The following RPAP2 variants were observed in gnomAD, a reference collection of about 807,000 sequenced individuals.
RPAP2 encodes RNA polymerase II associated protein 2.
A neutral mutation model predicts 73.1 loss-of-function variants in RPAP2; 52 were observed. The ratio of observed to expected loss-of-function variants is 0.71; its 90% confidence interval spans 0.57 to 0.90. The LOEUF is 0.90. RPAP2 is among the 40% of genes least tolerant of loss of function. The pLI is 0.00. For synonymous variants in RPAP2, 225 were observed against 242.1 expected, an observed-to-expected ratio of 0.93 and a Z score of 0.65; for missense variants, 598 against 701.8, an observed-to-expected ratio of 0.85 and a Z score of 1.67.
chr1:92,346,718 A>G (rs1653923334), intron 11 of RPAP2, among the ~76,000 whole-genome samples: 1 of 152,234 alleles, frequency 6.6e-6, no homozygotes, highest in Non-Finnish European at 1.5e-5. Flanking sequence ...ACAAAAGCAT[A>G]TATAAAACAT....
chr1:92,370,332 A>G (rs1430119454), intron 11 of RPAP2, among the ~76,000 whole-genome samples: 2 of 152,218 alleles, frequency 1.3e-5, no homozygotes, highest in Non-Finnish European at 2.9e-5. Context: ...AAAGAACACC[A>G]CTGCAAACAC....
At chr1:92,305,980 G>T (rs936583754) in intron 5 of RPAP2, among the ~76,000 whole-genome samples, 1 of 152,106 alleles carries the variant, frequency 6.6e-6, no homozygotes, top group Non-Finnish European at 1.5e-5. Flanking sequence ...CAGCATGTAT[G>T]TATAAAAATG....
intron 6 of RPAP2, among the ~76,000 whole-genome samples, chr1:92,318,466 C>G (rs770102051): frequency 1.3e-5 from 2 of 152,164 alleles, no homozygotes; most frequent in Non-Finnish European, 2.9e-5. Flanking sequence ...GCCCTGTTCT[C>G]TCTACTATGT....
rs1285922178 is a variant in RPAP2 at position 92,389,591 on chromosome 1, T to A, written c.*2580T>A. ...CTTCAGAAGGTCGGTAATAACAAAC[T>A]TCTCCAAGCTAAAGGAGCATGTTCT... On this transcript the variant is annotated 3_prime_UTR_variant, in exon 13 of 13. Transcript: ENST00000610020. 6.6e-6 allele frequency: 1 copy of A among 152,164 alleles called. No homozygotes were observed. The highest frequency in any genetic ancestry group is 1.5e-5 in the Non-Finnish European group (1 of 68,022). 9.4% of individuals were successfully genotyped at this position (152,164 alleles called of 1,614,324 possible).
chr1:92,371,868 GGTGACA>G (rs1488727620), intron 11 of RPAP2, among the ~76,000 whole-genome samples: 2 of 145,078 alleles, frequency 1.4e-5, no homozygotes, highest in Non-Finnish European at 3.0e-5. Flanking sequence ...CTCCATCCTG[GGTGACA>G]GTGAGACCCT....
At chr1:92,351,690 C>T (rs1234295451) in intron 11 of RPAP2, among the ~76,000 whole-genome samples, 4 of 152,118 alleles carry the variant, frequency 2.6e-5, no homozygotes, top group African/African-American at 9.7e-5. Context: ...TACAGGGAAA[C>T]GTCCAGACCA....
At position 92,323,516 on chromosome 1, in the gene RPAP2, A is replaced by C; in HGVS notation, c.596A>C (p.His199Pro). The C allele has an allele frequency of 6.2e-7, 1 of 1,613,968 alleles. No individual in the cohort carries two copies. The highest frequency in any genetic ancestry group is 1.1e-5 in the South Asian group (1 of 91,072). ...ACATCAGATATCGACAATCCTAGCC[A>C]CTTTGAAAAGCAATATGAATCTAGT... The part of the protein sequence containing the change: ...IKTSDIDNPS[H>P]FEKQYESSSS... The change falls in exon 8 of 13, where the codon CAC (histidine) becomes CCC (proline). Residue 199 changes from histidine (H) to proline (P), a missense_variant. Physicochemically the swap from His to Pro is moderately conservative, Grantham distance 77. Around this residue, in one of 3 missense-constraint regions of RPAP2, gnomAD observed 506 missense variants for 612.8 expected, o/e 0.83. Coordinates refer to ENST00000610020, the MANE Select transcript of RPAP2 (RefSeq NM_024813.3).
At chr1:92,348,777 T>C (rs189384626) in intron 11 of RPAP2, among the ~76,000 whole-genome samples, 36 of 152,318 alleles carry the variant, frequency 2.4e-4, no homozygotes, top group Admixed American at 1.0e-3. Flanking sequence ...TAAAACTCCA[T>C]TGACTTCTAT....
intron 11 of RPAP2, among the ~76,000 whole-genome samples, chr1:92,372,653 C>T (rs1368018326): frequency 6.6e-6 from 1 of 152,200 alleles, no homozygotes; most frequent in Non-Finnish European, 1.5e-5. Context: ...GTGGCTCACA[C>T]CTATAATCCC....
intron 11 of RPAP2, among the ~76,000 whole-genome samples, chr1:92,366,626 C>G (rs1010658072): frequency 1.3e-5 from 2 of 152,138 alleles, no homozygotes; most frequent in African/African-American, 4.8e-5. Flanking sequence ...CAATAACAAA[C>G]AAGCAAGGCA....
At chr1:92,301,433 C>T (rs1469644336) in intron 2 of RPAP2, 43 bp from the exon 3 acceptor site, 5 of 999,738 alleles carry the variant, frequency 5.0e-6, no homozygotes, top group African/African-American at 3.3e-5. Flanking sequence ...GAATGTTGGA[C>T]ATGAAGCTTT....
rs1405797942 is a variant in RPAP2, at chr1:92,400,515, GACAGGGTGTCACTA to G, written c.*13505_*13518del. On this transcript the variant is annotated 3_prime_UTR_variant, in exon 13 of 13. Coordinates refer to ENST00000610020, the MANE Select transcript of RPAP2 (RefSeq NM_024813.3). Reference sequence around the variant, plus strand: ...TTTTTTTAATTTTATATTTTTTAGAGACAGGGTGTCACTATGTTACCCAGGTCTCAATCACTATG... The same window carrying G: ...TTTTTTTAATTTTATATTTTTTAGAGTGTTACCCAGGTCTCAATCACTATG... 1 of 152,014 alleles carries G rather than the reference GACAGGGTGTCACTA, an allele frequency of 6.6e-6. No individual in the cohort carries two copies. Among genetic ancestry groups the G allele is most frequent in the East Asian group, 1.9e-4 (1 of 5,180 alleles). The allele number at this position is 152,014 out of a possible 1,614,324, so 9.4% of individuals were successfully genotyped here. A position where few individuals can be genotyped will look rare whatever the true frequency, so the allele number is the denominator to read the frequency against.
chr1:92,302,654 T>C (rs2101100512), intron 3 of RPAP2, among the ~76,000 whole-genome samples: 1 of 124,690 alleles, frequency 8.0e-6, no homozygotes, highest in Non-Finnish European at 1.6e-5. Context: ...CAGGCTGGAG[T>C]GCAGTGGCGG....
At chr1:92,379,543 T>G (rs763764622) in intron 11 of RPAP2, among the ~76,000 whole-genome samples, 1 of 152,156 alleles carries the variant, frequency 6.6e-6, no homozygotes, top group South Asian at 2.1e-4. Context: ...TCTTTAGGAG[T>G]ACTTACTGGA....
chr1:92,349,613 C>T (rs1032076247), intron 11 of RPAP2, among the ~76,000 whole-genome samples: 2 of 152,122 alleles, frequency 1.3e-5, no homozygotes, highest in Admixed American at 1.3e-4. Context: ...TTTCATTGTT[C>T]TTTCACAGAT....
chr1:92,317,621 G>C (rs546994628), intron 6 of RPAP2, among the ~76,000 whole-genome samples: 7 of 152,142 alleles, frequency 4.6e-5, no homozygotes, highest in African/African-American at 1.7e-4. Context: ...GATGCATGGT[G>C]GCGATAGTTG....
intron 11 of RPAP2, among the ~76,000 whole-genome samples, chr1:92,350,201 T>C (rs760332532): frequency 1.3e-5 from 2 of 152,212 alleles, no homozygotes; most frequent in African/African-American, 2.4e-5. Context: ...CAAGAGCACA[T>C]GGAAAGACCT....
rs1037056027 is a variant in RPAP2 at position 92,380,982 on chromosome 1, G to A, written c.1838+109G>A. ...AAAAACCAAGTACAGACCTCAAGAT[G>A]CCCTCAGTTTGCTAAGGAAGGACAT... On this transcript the variant is annotated intron_variant, in intron 12 of 12. Transcript: ENST00000610020. The A allele has an allele frequency of 3.4e-6, 3 of 875,256 alleles. No individual in the cohort carries two copies. In the African/African-American group the frequency reaches 5.3e-5, roughly 15 times the overall value. The allele number at this position is 875,256 out of a possible 1,614,324, so 54.2% of individuals were successfully genotyped here. A position where few individuals can be genotyped will look rare whatever the true frequency, so the allele number is the denominator to read the frequency against.
At chr1:92,373,739 T>TAAAAAA (rs59586077) in intron 11 of RPAP2, among the ~76,000 whole-genome samples, 47 of 80,512 alleles carry the variant, frequency 5.8e-4, no homozygotes, top group Non-Finnish European at 1.0e-3. Context: ...CTACTAAAAA[T>TAAAAAA]AAAAAAAAAA....
Sources: gnomAD v4.1 joint callset for allele counts (sites outside exome capture counted in the v4.1 genomes callset) on GRCh38, gnomAD v4.1.1 for gene constraint, gnomAD v4.1.1 regional missense constraint, MANE v1.5 for transcripts, NCBI Gene and HGNC (gene_info 2026-07-23, HGNC 2026-07-21) for gene names.